ZCCHC2: variants seen among roughly 807,000 people sequenced by gnomAD.
ZCCHC2 encodes the protein zinc finger CCHC-type containing 2.
ZCCHC2 carries 39 observed loss-of-function variants against 103.6 expected under a neutral mutation model. That is an observed-to-expected ratio of 0.38 (90% CI 0.29 to 0.49). The LOEUF (loss-of-function observed/expected upper bound fraction) is 0.49. Among genes scored for constraint, ZCCHC2 ranks in the 20% least tolerant of loss-of-function variants. The pLI is 0.96. For missense variants in ZCCHC2, 1,483 were observed against 1,491.0 expected (o/e 0.99, Z 0.09); for synonymous variants, 687 against 608.9 (o/e 1.13, Z -1.89).
intron 8 of ZCCHC2, among the ~76,000 whole-genome samples, chr18:62,561,579 C>T (rs1164596437): frequency 6.6e-6 from 1 of 152,184 alleles, no homozygotes; most frequent in Non-Finnish European, 1.5e-5. Context: ...ATGCTTCCAG[C>T]CTCCACTGTG....
intron 12 of ZCCHC2, among the ~76,000 whole-genome samples, chr18:62,573,667 G>A (rs1376968157): frequency 6.6e-6 from 1 of 152,104 alleles, no homozygotes; most frequent in Non-Finnish European, 1.5e-5. Flanking sequence ...ATTTATCTGC[G>A]ACAAATTGAA....
In ZCCHC2 at chr18:62,576,534, A is replaced by G; in HGVS notation, c.3492A>G (p.Ala1164=). Residue 1164 remains alanine (A), a synonymous_variant, in exon 14 of 14, where the codon GCA becomes GCG. Coordinates refer to ENST00000269499, the MANE Select transcript of ZCCHC2 (RefSeq NM_017742.6). ...TAGGCACTTACAGACTGAGATACGC[A>G]CCTCCCCTCCCCCCTTCTAATGATA... is the stretch of plus-strand genomic sequence containing the variant. ...NQQGTYRLRY[A]PPLPPSNDTL... 1.9e-6 allele frequency: 3 copies of G among 1,613,334 alleles called. No homozygotes were observed. Among genetic ancestry groups the G allele is most frequent in the Non-Finnish European group, 2.5e-6 (3 of 1,179,712 alleles).
chr18:62,548,860 G>T (rs1915532870), intron 4 of ZCCHC2, among the ~76,000 whole-genome samples: 2 of 152,110 alleles, frequency 1.3e-5, no homozygotes, highest in African/African-American at 4.8e-5. Context: ...AGAAGGCAGA[G>T]GTTGCAGTGA....
chr18:62,552,763 A>T (rs1387274276), intron 5 of ZCCHC2, among the ~76,000 whole-genome samples: 2 of 151,874 alleles, frequency 1.3e-5, no homozygotes, highest in East Asian at 3.9e-4. Context: ...GGTGGTGCAC[A>T]CCTGTAGTCC....
intron 1 of ZCCHC2, among the ~76,000 whole-genome samples, chr18:62,529,566 G>C (rs1341002610): frequency 6.6e-6 from 1 of 152,166 alleles, no homozygotes; most frequent in Non-Finnish European, 1.5e-5. Context: ...AAGCAGTTCA[G>C]TTATAAAAGC....
intron 1 of ZCCHC2, among the ~76,000 whole-genome samples, chr18:62,535,028 G>T (rs922976144): frequency 1.3e-5 from 2 of 152,314 alleles, no homozygotes; most frequent in East Asian, 3.9e-4. Context: ...TGCTGCAGGT[G>T]CTAGAAGGCA....
Position 62,556,348 on chromosome 18 carries a change from A to G in ZCCHC2, c.1408+51A>G. 10 of 1,400,406 alleles carry G rather than the reference A, an allele frequency of 7.1e-6. No individual in the cohort carries two copies. The South Asian group carries it at 8.0e-5, about 11-fold the overall frequency. 86.7% of individuals were successfully genotyped at this position (1,400,406 alleles called of 1,614,324 possible). A position where few individuals can be genotyped will look rare whatever the true frequency, so the allele number is the denominator to read the frequency against. On this transcript the variant is annotated intron_variant, in intron 6 of 13. Coordinates refer to ENST00000269499, the MANE Select transcript of ZCCHC2 (RefSeq NM_017742.6). ...AAATCTTTTTTCTTTGTTGGATTTT[A>G]TTGCTTTACTGTGTCATTTTGTGTA...
chr18:62,558,380 C>T (rs1915980153), intron 6 of ZCCHC2, among the ~76,000 whole-genome samples: 1 of 152,204 alleles, frequency 6.6e-6, no homozygotes, highest in South Asian at 2.1e-4. Flanking sequence ...CTTTACCACA[C>T]CACAGATGTT....
At chr18:62,549,050 T>C (rs1461400990) in intron 4 of ZCCHC2, among the ~76,000 whole-genome samples, 1 of 151,272 alleles carries the variant, frequency 6.6e-6, no homozygotes. Flanking sequence ...AAACCCTGTC[T>C]CTACTAAAAA....
chr18:62,527,021 C>A (rs1390033569), intron 1 of ZCCHC2: 1 of 69,416 alleles, frequency 1.4e-5, no homozygotes, highest in Non-Finnish European at 3.3e-5. Context: ...CCCCGCCCCC[C>A]CCCCCCCCGA....
rs369047194 is a variant in ZCCHC2, at chr18:62,575,024, G to A, written c.2943G>A (p.Ala981=). 4.3e-5 allele frequency: 69 copies of A among 1,613,866 alleles called. 1 individual carries two copies. The African/African-American group carries it at 4.7e-4, about 11-fold the overall frequency. Residue 981 remains alanine (A), a synonymous_variant, in exon 13 of 14, where the codon GCG becomes GCA. Transcript: ENST00000269499. ...GCCCTGCCTTGACACACAGTACCGCGCAGAGTGACAGCACCTCTTACATCA... is the reference window on the plus strand; with the variant it reads ...GCCCTGCCTTGACACACAGTACCGCACAGAGTGACAGCACCTCTTACATCA... ...SPSPALTHST[A]QSDSTSYISA...
intron 14 of ZCCHC2, among the ~76,000 whole-genome samples, chr18:62,583,594 A>G (rs994583290): frequency 6.6e-6 from 1 of 152,104 alleles, no homozygotes; most frequent in African/African-American, 2.4e-5. Flanking sequence ...CAGTGAAACC[A>G]TATGGAGGCA....
chr18:62,540,339 A>G (rs1490982243), intron 2 of ZCCHC2, among the ~76,000 whole-genome samples: 1 of 152,192 alleles, frequency 6.6e-6, no homozygotes, highest in African/African-American at 2.4e-5. Flanking sequence ...CTGAAATGGA[A>G]AATGTAGACT....
rs932493708 is a variant in ZCCHC2 at position 62,577,269 on chromosome 18, A to G, written c.*690A>G. ...AAGAGAGAGGAAGAAGTCAAACCAT[A>G]TGAAACTGAAAAAATATGACGTACG... is the stretch of plus-strand genomic sequence containing the variant. On this transcript the variant is annotated 3_prime_UTR_variant, in exon 14 of 14. Coordinates refer to ENST00000269499, the MANE Select transcript of ZCCHC2 (RefSeq NM_017742.6). 1 of 152,580 alleles carries G rather than the reference A, an allele frequency of 6.6e-6. No individual in the cohort carries two copies. Among genetic ancestry groups the G allele is most frequent in the East Asian group, 1.9e-4 (1 of 5,206 alleles). The allele number at this position is 152,580 out of a possible 1,614,324, so 9.5% of individuals were successfully genotyped here.
chr18:62,527,026 C>CCCCCCCCCCCCCCCCCCCCCCCCCG (rs56300716), intron 1 of ZCCHC2: 1 of 36,520 alleles, frequency 2.7e-5, no homozygotes, highest in Non-Finnish European at 5.4e-5. Flanking sequence ...CCCCCCCCCC[C>CCCCCCCCCCCCCCCCCCCCCCCCCG]CCCGAAAGTA....
chr18:62,580,024 C>T (rs1917000405), downstream of ZCCHC2, among the ~76,000 whole-genome samples: 1 of 152,224 alleles, frequency 6.6e-6, no homozygotes, highest in Non-Finnish European at 1.5e-5. Flanking sequence ...AGCCACTGCG[C>T]CCGGCCTTCT....
In ZCCHC2 at chr18:62,563,574, C is replaced by T. The variant is rs140065865; in HGVS notation, c.1686+430C>T. On this transcript the variant is annotated intron_variant, in intron 9 of 13. Coordinates refer to ENST00000269499, the MANE Select transcript of ZCCHC2 (RefSeq NM_017742.6). Reference sequence around the variant, plus strand: ...CGGGAGGCTGAGGCAGGAGGATCACCTGAGCCCAGGAGTTCAAGGCTGCTG... The same window carrying T: ...CGGGAGGCTGAGGCAGGAGGATCACTTGAGCCCAGGAGTTCAAGGCTGCTG... 3.5e-3 allele frequency among the ~76,000 whole-genome samples: 526 copies of T among 152,274 alleles called. 4 individuals carry two copies. Among genetic ancestry groups the T allele is most frequent in the African/African-American group, 0.012 (488 of 41,554 alleles).
chr18:62,540,359 G>C (rs1455435011), intron 2 of ZCCHC2, among the ~76,000 whole-genome samples: 2 of 151,854 alleles, frequency 1.3e-5, no homozygotes, highest in Admixed American at 1.3e-4. Context: ...TGCCATCTGG[G>C]CTTTAAAAGA....
intron 1 of ZCCHC2, among the ~76,000 whole-genome samples, chr18:62,528,360 C>T (rs1379107222): frequency 6.6e-6 from 1 of 151,852 alleles, no homozygotes; most frequent in Admixed American, 6.6e-5. Flanking sequence ...TTCGGGAGGC[C>T]GAGGTGGGCG....
Sources: gnomAD v4.1 joint callset for allele counts (sites outside exome capture counted in the v4.1 genomes callset) on GRCh38, gnomAD v4.1.1 for gene constraint, MANE v1.5 for transcripts, NCBI Gene and HGNC (gene_info 2026-07-23, HGNC 2026-07-21) for gene names.